Variants in GABRG3 observed in about 807,000 individuals in gnomAD.
GABRG3 encodes gamma-aminobutyric acid receptor subunit gamma-3.
A neutral mutation model predicts 48.8 loss-of-function variants in GABRG3; 25 were observed. The ratio of observed to expected loss-of-function variants is 0.51; its 90% confidence interval spans 0.37 to 0.72. The LOEUF is 0.72. Among genes scored for constraint, GABRG3 ranks in the 30% least tolerant of loss-of-function variants. The pLI is 0.00. For synonymous variants in GABRG3, 227 were observed against 217.6 expected, an observed-to-expected ratio of 1.04 and a Z score of -0.38; for missense variants, 394 against 577.9, an observed-to-expected ratio of 0.68 and a Z score of 3.26.
At chr15:27,183,249 G>A (rs73373492) in intron 3 of GABRG3, among the ~76,000 whole-genome samples, 1,856 of 152,116 alleles carry the variant, frequency 0.012, 44 homozygotes, top group African/African-American at 0.042. Context: ...ATATAAAAAA[G>A]CTATCTTACT....
At chr15:27,234,879 C>G (rs1247321691) in intron 3 of GABRG3, among the ~76,000 whole-genome samples, 1 of 152,096 alleles carries the variant, frequency 6.6e-6, no homozygotes, top group East Asian at 1.9e-4. Context: ...GAGGGGCCAC[C>G]TGGGCTCCTG....
At chr15:27,422,241 G>C (rs1467841732) in intron 5 of GABRG3, 1 of 153,064 alleles carries the variant, frequency 6.5e-6, no homozygotes, top group African/African-American at 2.4e-5. Flanking sequence ...AGTGTTCTAA[G>C]ATATCCATGG....
chr15:27,345,830 G>A (rs1354957220), intron 5 of GABRG3, among the ~76,000 whole-genome samples: 1 of 152,046 alleles, frequency 6.6e-6, no homozygotes, highest in Non-Finnish European at 1.5e-5. Context: ...GAGGCAGGGG[G>A]ATCCCCTGAG....
chr15:27,315,516 G>A (rs1893182638), intron 3 of GABRG3, among the ~76,000 whole-genome samples: 1 of 152,142 alleles, frequency 6.6e-6, no homozygotes, highest in African/African-American at 2.4e-5. Context: ...GATACTTTAG[G>A]AAAACGTATT....
chr15:26,977,476 C>G (rs550702904), intron 2 of GABRG3, among the ~76,000 whole-genome samples: 1 of 152,274 alleles, frequency 6.6e-6, no homozygotes, highest in Admixed American at 6.5e-5. Context: ...CTTCCTTCCC[C>G]CAAAATTTCT....
chr15:27,352,054 ATG>A lies in GABRG3; in HGVS notation c.574+23172_574+23173del, dbSNP rs899930062. Among the ~76,000 whole-genome samples the A allele has an allele frequency of 1.2e-4, 15 of 128,326 alleles. No homozygotes were observed. Among genetic ancestry groups the A allele is most frequent in the East Asian group, 4.8e-4 (2 of 4,166 alleles). The allele number at this position is 128,326 out of a possible 152,430, so 84.2% of individuals were successfully genotyped here. A position where few individuals can be genotyped will look rare whatever the true frequency, so the allele number is the denominator to read the frequency against. On this transcript the variant is annotated intron_variant, in intron 5 of 9. Transcript: ENST00000615808. This position sits in a 1 kb window ranked among gnomAD's most constrained non-coding sequence, Gnocchi z 4.0. ...CGTGTATAGTGTGTGTGTGTATGGT[ATG>A]TGTGTATCGTGTGTGTGTGTATGGT...
rs778222775 is a variant in GABRG3 at position 27,132,471 on chromosome 15, G to GGTTTTTTTT, written c.270+105650_270+105651insGTTTTTTTT. Reference sequence around the variant, plus strand: ...TGATTCAATCTTCCCAGTAGTTACAGTTTTTTTTTTTTTTTTTTTTTTTTT... The same window carrying GGTTTTTTTT: ...TGATTCAATCTTCCCAGTAGTTACAGGTTTTTTTTTTTTTTTTTTTTTTTTTTTTTTTTT... On this transcript the variant is annotated intron_variant, in intron 3 of 9. Coordinates refer to ENST00000615808, the MANE Select transcript of GABRG3 (RefSeq NM_033223.5). Among the ~76,000 whole-genome samples, 16 of 39,592 alleles carry GGTTTTTTTT rather than the reference G, an allele frequency of 4.0e-4. 4 individuals are homozygous for GGTTTTTTTT. Among genetic ancestry groups the GGTTTTTTTT allele is most frequent in the East Asian group, 1.0e-3 (1 of 998 alleles). 26.0% of individuals were successfully genotyped at this position (39,592 alleles called of 152,430 possible).
rs113502454 is a variant in GABRG3 at position 27,322,700 on chromosome 15, A to G, written c.271-4109A>G. 1.5e-3 allele frequency among the ~76,000 whole-genome samples: 224 copies of G among 152,268 alleles called. 1 individual carries two copies. Among genetic ancestry groups the G allele is most frequent in the African/African-American group, 5.2e-3 (218 of 41,554 alleles). On this transcript the variant is annotated intron_variant, in intron 3 of 9. Transcript: ENST00000615808. The stretch of plus-strand genomic sequence containing the variant: ...GTAAATGATGTCGCACAGTTTATGA[A>G]CAGTGTAAATGTGGAGGACACTTCT...
intron 3 of GABRG3, among the ~76,000 whole-genome samples, chr15:27,261,092 G>A (rs1008100458): frequency 3.9e-5 from 6 of 152,004 alleles, no homozygotes; most frequent in East Asian, 1.9e-4. Flanking sequence ...AAACAAATAC[G>A]CAAACTTTAA....
At chr15:27,223,183 T>C (rs923081167) in intron 3 of GABRG3, among the ~76,000 whole-genome samples, 1 of 152,240 alleles carries the variant, frequency 6.6e-6, no homozygotes, top group Non-Finnish European at 1.5e-5. Context: ...GAAATTCTCT[T>C]ATCAGCAACT....
At chr15:26,973,472 CAT>C (rs1221124535) in intron 1 of GABRG3, among the ~76,000 whole-genome samples, 3 of 152,214 alleles carry the variant, frequency 2.0e-5, no homozygotes, top group African/African-American at 4.8e-5. Flanking sequence ...GTTTTACAGA[CAT>C]GTGAAATAAT....
At chr15:27,444,265 A>G (rs1888876996) in intron 5 of GABRG3, among the ~76,000 whole-genome samples, 1 of 152,178 alleles carries the variant, frequency 6.6e-6, no homozygotes. Context: ...TTATTCAAAA[A>G]GTATATAAAG....
At chr15:27,266,811 T>G (rs1890935258) in intron 3 of GABRG3, among the ~76,000 whole-genome samples, 1 of 152,132 alleles carries the variant, frequency 6.6e-6, no homozygotes, top group African/African-American at 2.4e-5. Context: ...TTTTTTTATT[T>G]GAACTTCTAA....
intron 3 of GABRG3, among the ~76,000 whole-genome samples, chr15:27,289,483 A>G (rs575354911): frequency 1.1e-4 from 16 of 152,314 alleles, no homozygotes; most frequent in South Asian, 8.3e-4. Flanking sequence ...TTTACAAATG[A>G]AACAATCTCA....
chr15:27,212,598 G>A (rs924865684), intron 3 of GABRG3, among the ~76,000 whole-genome samples: 1 of 152,172 alleles, frequency 6.6e-6, no homozygotes, highest in South Asian at 2.1e-4. Context: ...TACCATCTTA[G>A]CCATTTTCAT....
At chr15:27,421,489 G>T (rs936020713) in intron 5 of GABRG3, among the ~76,000 whole-genome samples, 9 of 152,082 alleles carry the variant, frequency 5.9e-5, no homozygotes, top group Non-Finnish European at 1.2e-4. Flanking sequence ...GCGTCCATGG[G>T]AGTGGGCTAT....
intron 5 of GABRG3, among the ~76,000 whole-genome samples, chr15:27,435,746 T>C (rs979947431): frequency 2.6e-5 from 4 of 152,208 alleles, no homozygotes; most frequent in African/African-American, 9.6e-5. Flanking sequence ...GGAGAGAGGC[T>C]AGCATCCAGA....
intron 6 of GABRG3, among the ~76,000 whole-genome samples, chr15:27,507,920 A>G (rs1204596325): frequency 6.6e-6 from 1 of 152,126 alleles, no homozygotes; most frequent in Non-Finnish European, 1.5e-5. Context: ...ATTCCTTTTT[A>G]TTCCTAAAAA....
chr15:27,388,704 G>A (rs1595722376), intron 5 of GABRG3, among the ~76,000 whole-genome samples: 2 of 152,256 alleles, frequency 1.3e-5, no homozygotes, highest in East Asian at 1.9e-4. Flanking sequence ...CAGTAGAAGT[G>A]TGTGGAGTGA....
Sources: allele counts gnomAD v4.1 joint callset (sites outside exome capture counted in the v4.1 genomes callset), GRCh38; gene constraint gnomAD v4.1.1; non-coding constraint Gnocchi (gnomAD v3.1); transcripts MANE v1.5; gene names NCBI Gene and HGNC (gene_info 2026-07-23, HGNC 2026-07-21).